The following MSANTD3 variants were observed in gnomAD, a reference collection of about 807,000 sequenced individuals.
MSANTD3 encodes Myb/SANT DNA binding domain containing 3.
MSANTD3 carries 11 observed loss-of-function variants against 27.7 expected under a neutral mutation model. The ratio of observed to expected loss-of-function variants is 0.40; its 90% CI spans 0.25 to 0.66. MSANTD3 has a LOEUF of 0.66. Among genes scored for constraint, MSANTD3 ranks in the 30% least tolerant of loss-of-function variants. The pLI, the probability that MSANTD3 is intolerant of heterozygous loss-of-function variation, is 0.41. For synonymous variants in MSANTD3, 131 were observed against 127.2 expected (o/e 1.03, Z -0.20); for missense variants, 250 against 336.5 (o/e 0.74, Z 2.01).
intron 2 of MSANTD3, chr9:100,448,320 A>G: frequency 2.0e-6 from 2 of 985,370 alleles, no homozygotes; most frequent in South Asian, 4.7e-5. Context: ...ATGAAATCAA[A>G]GAGAAAAGAG....
At chr9:100,445,734 T>A (rs1035319641) in intron 2 of MSANTD3, among the ~76,000 whole-genome samples, 2 of 152,174 alleles carry the variant, frequency 1.3e-5, no homozygotes, top group African/African-American at 2.4e-5. Context: ...TCTAATAGTA[T>A]TCCACTAGAG....
At position 100,446,414 on chromosome 9, in the gene MSANTD3, C is replaced by T. The variant is rs117198100; in HGVS notation, c.418+4058C>T. Reference sequence around the variant, plus strand: ...TTCTCCTGCATCTGAATCATTCTAACGCGCTTGCATATCCTTTTACATGTG... The same window carrying T: ...TTCTCCTGCATCTGAATCATTCTAATGCGCTTGCATATCCTTTTACATGTG... On this transcript the variant is annotated intron_variant, in intron 2 of 2. Coordinates refer to ENST00000395067, the MANE Select transcript of MSANTD3 (RefSeq NM_080655.3). Among the ~76,000 whole-genome samples the T allele has an allele frequency of 4.9e-4, 75 of 152,214 alleles. No individual in the cohort carries two copies. The East Asian group carries it at 0.011, about 22-fold the overall frequency.
At chr9:100,448,124 G>C (rs557576733) in intron 2 of MSANTD3, 2 of 761,218 alleles carry the variant, frequency 2.6e-6, no homozygotes, top group South Asian at 1.2e-4. Context: ...CTGGGAGCCA[G>C]AGATGGCAGT....
chr9:100,450,785 A>C lies in MSANTD3; in HGVS notation c.647A>C (p.Asn216Thr). ...SILQLQLIQM[N>T]EVHVAKIQQI... is the part of the protein sequence containing the mutation. ...TTACAACTGCAACTGATACAAATGA[A>C]TGAGGTGCATGTGGCCAAAATCCAG... Residue 216 changes from asparagine to threonine, a missense_variant, in exon 3 of 3, where the codon AAT (asparagine) becomes ACT (threonine). Physicochemically the swap from Asn to Thr is moderately conservative, Grantham distance 65. Transcript: ENST00000395067. 3 of 1,614,158 alleles carry C rather than the reference A, an allele frequency of 1.9e-6. No individual in the cohort carries two copies. Among genetic ancestry groups the C allele is most frequent in the Non-Finnish European group, 2.5e-6 (3 of 1,180,014 alleles).
At chr9:100,438,631 T>G (rs2118209013) in intron 1 of MSANTD3, among the ~76,000 whole-genome samples, 1 of 152,310 alleles carries the variant, frequency 6.6e-6, no homozygotes, top group Admixed American at 6.5e-5. Flanking sequence ...CAGAATCTGC[T>G]GTGTAAGCTG....
chr9:100,446,291 C>T (rs1836749790), intron 2 of MSANTD3, among the ~76,000 whole-genome samples: 1 of 152,174 alleles, frequency 6.6e-6, no homozygotes, highest in South Asian at 2.1e-4. Flanking sequence ...GGCTGAGTTA[C>T]ACTTCCAGTC....
chr9:100,442,290 C>T lies in MSANTD3; in HGVS notation c.352C>T (p.Gln118Ter). The T allele has an allele frequency of 1.2e-6, 2 of 1,614,140 alleles. No individual in the cohort carries two copies. The highest frequency in any genetic ancestry group is 1.7e-6 in the Non-Finnish European group (2 of 1,180,050). ...KEKIASMLPE[Q>*]LYFLQSPPEE... The stretch of plus-strand genomic sequence containing the variant: ...GAAGATCGCCAGCATGCTGCCGGAG[C>T]AGCTCTACTTCCTGCAGAGCCCCCC... Residue 118 changes from glutamine to a stop codon, truncating the protein, a stop_gained, in exon 2 of 3, where the codon CAG becomes TAG. Transcript: ENST00000395067. LOFTEE classifies it high-confidence loss of function.
chr9:100,434,347 G>A (rs986110485), intron 1 of MSANTD3, among the ~76,000 whole-genome samples: 4 of 152,100 alleles, frequency 2.6e-5, no homozygotes, highest in African/African-American at 9.7e-5. Flanking sequence ...GGCCAACATA[G>A]AGTGAAACCC....
chr9:100,432,291 C>G (rs1040700775), intron 1 of MSANTD3, among the ~76,000 whole-genome samples: 1 of 152,122 alleles, frequency 6.6e-6, no homozygotes, highest in South Asian at 2.1e-4. Context: ...GCAGAGAGAG[C>G]TTGGGTGAGT....
chr9:100,439,997 T>C (rs1228977872), intron 1 of MSANTD3, among the ~76,000 whole-genome samples: 2 of 152,228 alleles, frequency 1.3e-5, no homozygotes, highest in Non-Finnish European at 2.9e-5. Flanking sequence ...CAGTCAGTGT[T>C]GCTTAGCTAC....
At chr9:100,434,955 TATACACACACACC>T (rs1251445932) in intron 1 of MSANTD3, among the ~76,000 whole-genome samples, 3 of 150,140 alleles carry the variant, frequency 2.0e-5, no homozygotes, top group Admixed American at 6.8e-5. Flanking sequence ...ACTTGTTATA[TATACACACACACC>T]ATACACACAC....
chr9:100,446,444 G>A (rs1308843897), intron 2 of MSANTD3, among the ~76,000 whole-genome samples: 1 of 151,990 alleles, frequency 6.6e-6, no homozygotes, highest in African/African-American at 2.4e-5. Context: ...CATGTGTTTT[G>A]TGTGCATCTA....
At chr9:100,449,258 A>C in intron 2 of MSANTD3, 1 of 985,352 alleles carries the variant, frequency 1.0e-6, no homozygotes, top group Non-Finnish European at 1.2e-6. Context: ...CAGGGCAAAC[A>C]TAGCACCTAC....
At position 100,450,923 on chromosome 9, in the gene MSANTD3, G is replaced by T. The variant is rs1457179895; in HGVS notation, c.785G>T (p.Trp262Leu). Reference protein sequence around the residue: ...ERKLQTFTKEWPVSSFNRPFP... With the variant: ...ERKLQTFTKELPVSSFNRPFP... ...AAACTACAAACTTTTACCAAGGAATGGCCTGTTTCCTCATTTAACCGGCCC... is the reference window on the plus strand; with the variant it reads ...AAACTACAAACTTTTACCAAGGAATTGCCTGTTTCCTCATTTAACCGGCCC... Residue 262 changes from tryptophan to leucine, a missense_variant, in exon 3 of 3, where the codon TGG becomes TTG. Transcript: ENST00000395067. The T allele has an allele frequency of 6.2e-7, 1 of 1,609,496 alleles. No individual in the cohort carries two copies. Among genetic ancestry groups the T allele is most frequent in the African/African-American group, 1.3e-5 (1 of 74,794 alleles).
intron 1 of MSANTD3, among the ~76,000 whole-genome samples, chr9:100,437,395 G>A (rs1736967507): frequency 6.6e-6 from 1 of 152,202 alleles, no homozygotes; most frequent in Non-Finnish European, 1.5e-5. Flanking sequence ...GAGCAGAGAG[G>A]AGCATGAGCA....
chr9:100,435,871 T>C (rs940352237), intron 1 of MSANTD3, among the ~76,000 whole-genome samples: 60 of 152,344 alleles, frequency 3.9e-4, no homozygotes, highest in African/African-American at 1.3e-3. Context: ...CTTCAACATA[T>C]GGATCTTGGG....
At position 100,447,319 on chromosome 9, in the gene MSANTD3, C is replaced by T. The variant is rs187065167; in HGVS notation, c.419-3238C>T. 5.9e-5 allele frequency among the ~76,000 whole-genome samples: 9 copies of T among 152,248 alleles called. No individual in the cohort carries two copies. The East Asian group carries it at 1.7e-3, about 29-fold the overall frequency. On this transcript the variant is annotated intron_variant, in intron 2 of 2. Coordinates refer to ENST00000395067, the MANE Select transcript of MSANTD3 (RefSeq NM_080655.3). ...GTTAATTAACTATACCATTGAGCCT[C>T]TCTAGTTTAAAGCCCTGTTTTCTGC... is the stretch of plus-strand genomic sequence containing the variant.
intron 1 of MSANTD3, among the ~76,000 whole-genome samples, chr9:100,436,964 C>G (rs142166902): frequency 3.8e-4 from 58 of 152,296 alleles, no homozygotes; most frequent in Admixed American, 1.1e-3. Context: ...GCTACCACGC[C>G]TGGCTAATTT....
chr9:100,431,315 T>G (rs2118176611), intron 1 of MSANTD3, among the ~76,000 whole-genome samples: 1 of 151,568 alleles, frequency 6.6e-6, no homozygotes, highest in African/African-American at 2.4e-5. Flanking sequence ...TTTTTTTTTT[T>G]TTTTTAAAGA....
Sources: allele counts gnomAD v4.1 joint callset (sites outside exome capture counted in the v4.1 genomes callset), GRCh38; gene constraint gnomAD v4.1.1; transcripts MANE v1.5; gene names NCBI Gene and HGNC (gene_info 2026-07-23, HGNC 2026-07-21).